Variants in SYDE2 observed in about 807,000 individuals in gnomAD.
SYDE2 encodes the protein rho GTPase-activating protein SYDE2.
A neutral mutation model predicts 91.5 loss-of-function variants in SYDE2; 76 were observed. The ratio of observed to expected loss-of-function variants is 0.83; its 90% CI spans 0.69 to 1.01. SYDE2 has a LOEUF of 1.01. Ranked by LOEUF, SYDE2 falls within the 50% of genes least tolerant of loss-of-function variation. The pLI is 0.00. For synonymous variants in SYDE2, 513 were observed against 506.4 expected (o/e 1.01, Z -0.18); for missense variants, 1,364 against 1,367.7 (o/e 1.00, Z 0.04).
At chr1:85,185,785 C>T (rs1318252598) in intron 2 of SYDE2, among the ~76,000 whole-genome samples, 1 of 151,624 alleles carries the variant, frequency 6.6e-6, no homozygotes, top group African/African-American at 2.4e-5. Context: ...ATTGAATACC[C>T]TTTATTTCCT....
Position 85,178,234 on chromosome 1 carries a change from G to T in SYDE2, c.2583C>A (p.Val861=). 6.3e-7 allele frequency: 1 copy of T among 1,580,682 alleles called. No homozygotes were observed. The highest frequency in any genetic ancestry group is 8.6e-7 in the Non-Finnish European group (1 of 1,162,102). The change falls in exon 4 of 7, where the codon GTC becomes GTA. Residue 861 remains valine, a synonymous_variant. Coordinates refer to ENST00000341460, the MANE Select transcript of SYDE2 (RefSeq NM_032184.2). ...CAAAAGCCTCTCGCAGTTCTTTCTT[G>T]ACTGCTGCCGAACCACATAATCGAT... The part of the protein sequence containing the change: ...GLYRLCGSAA[V]KKELREAFER...
At position 85,190,403 on chromosome 1, in the gene SYDE2, A is replaced by G. The variant is rs1658319552; in HGVS notation, c.1095T>C (p.Asp365=). The G allele has an allele frequency of 6.2e-7, 1 of 1,613,732 alleles. No homozygotes were observed. The highest frequency in any genetic ancestry group is 1.1e-5 in the South Asian group (1 of 91,058). ...GATTGTACCATATTTCTCCTTCATC[A>G]TCTGCATCATTTTCCTCATTAAAAT... ...ALDFNEENDA[D]DEGEIWYNPI... The change falls in exon 2 of 7, where the codon GAT becomes GAC. Residue 365 remains aspartate, a synonymous_variant. Coordinates refer to ENST00000341460, the MANE Select transcript of SYDE2 (RefSeq NM_032184.2).
In SYDE2 at chr1:85,190,383, T is replaced by A; in HGVS notation, c.1115A>T (p.Tyr372Phe). 6.2e-7 allele frequency: 1 copy of A among 1,613,910 alleles called. No homozygotes were observed. Among genetic ancestry groups the A allele is most frequent in the South Asian group, 1.1e-5 (1 of 91,062 alleles). Residue 372 changes from tyrosine (Y) to phenylalanine (F), a missense_variant, in exon 2 of 7, where the codon TAC becomes TTC. By Grantham distance (22) the Tyr-to-Phe change is conservative. Coordinates refer to ENST00000341460, the MANE Select transcript of SYDE2 (RefSeq NM_032184.2). ...NDADDEGEIW[Y>F]NPIPEDDDLG... is the part of the protein sequence containing the mutation. ...GTCATCATCCTCAGGAATGGGATTGTACCATATTTCTCCTTCATCATCTGC... is the reference window on the plus strand; with the variant it reads ...GTCATCATCCTCAGGAATGGGATTGAACCATATTTCTCCTTCATCATCTGC...
chr1:85,163,445 C>CTACATA (rs1553170237), intron 6 of SYDE2, among the ~76,000 whole-genome samples: 7 of 87,630 alleles, frequency 8.0e-5, no homozygotes, highest in Non-Finnish European at 4.7e-5. Context: ...GTACTTTAAT[C>CTACATA]TATATATATA....
At chr1:85,192,834 A>G (rs984348413) in intron 1 of SYDE2, among the ~76,000 whole-genome samples, 5 of 152,188 alleles carry the variant, frequency 3.3e-5, no homozygotes, top group Admixed American at 3.3e-4. Context: ...CCCACAAACC[A>G]CACGATGCTA....
intron 1 of SYDE2, chr1:85,194,736 G>C (rs1658512439): frequency 1.3e-6 from 1 of 795,430 alleles, no homozygotes; most frequent in Non-Finnish European, 1.5e-6. Flanking sequence ...AACTACCCAA[G>C]TCAATTCTGT....
At chr1:85,155,663 G>A (rs576624350), downstream of SYDE2, among the ~76,000 whole-genome samples, 1 of 152,212 alleles carries the variant, frequency 6.6e-6, no homozygotes, top group East Asian at 1.9e-4. Flanking sequence ...AATCAGCACA[G>A]ACTTAAGGAT....
intron 1 of SYDE2, among the ~76,000 whole-genome samples, chr1:85,199,867 AG>A (rs1232370818): frequency 6.6e-6 from 1 of 152,194 alleles, no homozygotes; most frequent in Non-Finnish European, 1.5e-5. Context: ...ACTCCACAAA[AG>A]TCTACGGATT....
At chr1:85,161,891 A>G (rs180677780) in intron 6 of SYDE2, among the ~76,000 whole-genome samples, 1 of 152,232 alleles carries the variant, frequency 6.6e-6, no homozygotes, top group Admixed American at 6.5e-5. Flanking sequence ...TTTTGTGAAA[A>G]CTCAATACAT....
chr1:85,170,132 T>A (rs1027785446), intron 4 of SYDE2, among the ~76,000 whole-genome samples: 5 of 150,704 alleles, frequency 3.3e-5, no homozygotes, highest in Non-Finnish European at 5.9e-5. Context: ...TTTTTTTTTT[T>A]AATTGTGACA....
chr1:85,160,871 TAG>T, intron 6 of SYDE2: 1 of 985,248 alleles, frequency 1.0e-6, no homozygotes, highest in Admixed American at 6.2e-5. Flanking sequence ...GCCAGTCGCT[TAG>T]AGTTACTCAC....
Position 85,187,102 on chromosome 1 carries a change from T to A in SYDE2, c.1441+2955A>T, listed in dbSNP as rs1005498242. ...CAACCTACAAAATGGGAGAAAATTTTCGCAACCTACTCATCTGACAAAGGG... is the reference window on the plus strand; with the variant it reads ...CAACCTACAAAATGGGAGAAAATTTACGCAACCTACTCATCTGACAAAGGG... On this transcript the variant is annotated intron_variant, in intron 2 of 6. Transcript: ENST00000341460. 1.1e-4 allele frequency among the ~76,000 whole-genome samples: 17 copies of A among 152,168 alleles called. 1 individual carries two copies. Among genetic ancestry groups the A allele is most frequent in the African/African-American group, 4.1e-4 (17 of 41,504 alleles).
chr1:85,199,383 T>C (rs1658720667), intron 1 of SYDE2, among the ~76,000 whole-genome samples: 2 of 152,346 alleles, frequency 1.3e-5, no homozygotes, highest in African/African-American at 4.8e-5. Context: ...ATTGACTGGT[T>C]TCTAGAATTG....
intron 4 of SYDE2, among the ~76,000 whole-genome samples, chr1:85,170,259 C>T (rs555920160): frequency 6.6e-6 from 1 of 152,040 alleles, no homozygotes; most frequent in East Asian, 1.9e-4. Context: ...TGCCCCCACA[C>T]CTGGCTAATT....
In SYDE2 at chr1:85,200,274, T is replaced by C. The variant is rs369971480; in HGVS notation, c.723A>G (p.Pro241=). 1.9e-6 allele frequency: 3 copies of C among 1,614,000 alleles called. No homozygotes were observed. Among genetic ancestry groups the C allele is most frequent in the Non-Finnish European group, 2.5e-6 (3 of 1,179,890 alleles). ...VRENRVLSVP[P]DQRITLTDLF... ...TACCTGTCAGCGTAATTCTTTGGTCTGGAGGCACCGACAGGACACGGTTTT... is the reference window on the plus strand; with the variant it reads ...TACCTGTCAGCGTAATTCTTTGGTCCGGAGGCACCGACAGGACACGGTTTT... The change falls in exon 1 of 7, where the codon CCA becomes CCG. Residue 241 remains proline, a synonymous_variant. Transcript: ENST00000341460.
chr1:85,163,483 CAA>C (rs1657153009), intron 6 of SYDE2, among the ~76,000 whole-genome samples: 1 of 67,594 alleles, frequency 1.5e-5, no homozygotes, highest in Non-Finnish European at 3.6e-5. Flanking sequence ...ATATATATAA[CAA>C]AAGAGTAACC....
At position 85,200,910 on chromosome 1, in the gene SYDE2, C is replaced by G; in HGVS notation, c.87G>C (p.Pro29=). 7.6e-7 allele frequency: 1 copy of G among 1,323,230 alleles called. No homozygotes were observed. Among genetic ancestry groups the G allele is most frequent in the African/African-American group, 1.5e-5 (1 of 64,812 alleles). The allele number at this position is 1,323,230 out of a possible 1,614,324, so 82.0% of individuals were successfully genotyped here. Residue 29 remains proline (P), a synonymous_variant, in exon 1 of 7, where the codon CCG becomes CCC. Transcript: ENST00000341460. The part of the protein sequence containing the change: ...DHSFPAGARA[P]GQPPSRGAAY... ...CGGCGCCGCGGGAAGGCGGCTGGCC[C>G]GGAGCCCGGGCTCCCGCGGGGAAGC... is the stretch of plus-strand genomic sequence containing the variant.
rs886189443 is a variant in SYDE2 at position 85,183,177 on chromosome 1, T to C, written c.1465A>G (p.Asn489Asp). The C allele has an allele frequency of 3.2e-6, 5 of 1,575,148 alleles. No homozygotes were observed. In the African/African-American group the frequency reaches 6.9e-5, roughly 22 times the overall value. Residue 489 changes from asparagine (N) to aspartate (D), a missense_variant, in exon 3 of 7, where the codon AAT (asparagine) becomes GAT (aspartate). Physicochemically the swap from Asn to Asp is conservative, Grantham distance 23 (BLOSUM62 1). Transcript: ENST00000341460. ...FAGSGILAAT[N>D]STELGIMEPS... is the part of the protein sequence containing the mutation. Reference sequence around the variant, plus strand: ...TCCATAATTCCCAATTCAGTACTATTTGTAGCAGCCAGGATCCCAGAACCT... The same window carrying C: ...TCCATAATTCCCAATTCAGTACTATCTGTAGCAGCCAGGATCCCAGAACCT...
chr1:85,154,763 A>G (rs977911701), downstream of SYDE2, among the ~76,000 whole-genome samples: 12 of 152,132 alleles, frequency 7.9e-5, no homozygotes, highest in African/African-American at 2.6e-4. Flanking sequence ...GAATCTTTCT[A>G]GCCTGGACTA....
Sources: allele counts gnomAD v4.1 joint callset (sites outside exome capture counted in the v4.1 genomes callset), GRCh38; gene constraint gnomAD v4.1.1; transcripts MANE v1.5; gene names NCBI Gene and HGNC (gene_info 2026-07-23, HGNC 2026-07-21).